ARL15: variants seen among roughly 807,000 people sequenced by gnomAD.
The protein encoded by ARL15 is ADP-ribosylation factor-like protein 15.
A neutral mutation model predicts 25.2 loss-of-function variants in ARL15; 19 were observed. That is an observed-to-expected ratio of 0.75 (90% CI 0.53 to 1.10). The LOEUF (loss-of-function observed/expected upper bound fraction) is 1.10, where lower values mean the gene tolerates loss of function less well. Among genes scored for constraint, ARL15 ranks in the 50% least tolerant of loss-of-function variants. ARL15 has a pLI of 0.00. For synonymous variants in ARL15, 94 were observed against 86.8 expected (o/e 1.08, Z -0.46); for missense variants, 220 against 246.0 (o/e 0.89, Z 0.71).
intron 1 of ARL15, among the ~76,000 whole-genome samples, chr5:54,203,549 T>C (rs923776525): frequency 1.4e-4 from 22 of 152,292 alleles, no homozygotes; most frequent in African/African-American, 5.1e-4. Context: ...ATAAAGTCTT[T>C]GAAAGTATGA....
intron 4 of ARL15, among the ~76,000 whole-genome samples, chr5:54,002,037 T>C (rs1389577477): frequency 2.0e-5 from 3 of 152,192 alleles, no homozygotes; most frequent in African/African-American, 7.2e-5. Flanking sequence ...CTTCCAATGG[T>C]TGGAGTCACT....
At chr5:53,888,136 A>G (rs1003842462) in intron 4 of ARL15, among the ~76,000 whole-genome samples, 10 of 152,168 alleles carry the variant, frequency 6.6e-5, no homozygotes, top group Non-Finnish European at 1.3e-4. Context: ...CTGATTCTGA[A>G]GAGTAATGAA....
chr5:54,076,213 G>A (rs969701619), intron 4 of ARL15, among the ~76,000 whole-genome samples: 2 of 151,790 alleles, frequency 1.3e-5, no homozygotes, highest in Non-Finnish European at 2.9e-5. Context: ...TCAGGAGATC[G>A]AGACCATCCT....
chr5:54,010,924 C>T (rs1749217091), intron 4 of ARL15, among the ~76,000 whole-genome samples: 1 of 150,738 alleles, frequency 6.6e-6, no homozygotes, highest in South Asian at 2.1e-4. Flanking sequence ...GGCGTGAACC[C>T]GGGAGGCGGA....
chr5:53,973,695 C>T (rs185936881), intron 4 of ARL15, among the ~76,000 whole-genome samples: 7 of 151,470 alleles, frequency 4.6e-5, no homozygotes, highest in East Asian at 1.9e-4. Context: ...GCCATGATTG[C>T]GCCACTGTAC....
At chr5:53,912,140 A>G (rs1211609700) in intron 4 of ARL15, 1 of 152,096 alleles carries the variant, frequency 6.6e-6, no homozygotes, top group East Asian at 1.9e-4. Flanking sequence ...CTCTTTTAAG[A>G]TTAAAAATAT....
chr5:53,992,229 C>G lies in ARL15; in HGVS notation c.463-105516G>C, dbSNP rs1748526238. ...ATACCAAACATTGCTGTGTTTTCCT[C>G]TAAAATTTAAAACATCCCCTATGAG... On this transcript the variant is annotated intron_variant, in intron 4 of 4. Transcript: ENST00000504924. 3.3e-5 allele frequency among the ~76,000 whole-genome samples: 5 copies of G among 152,166 alleles called. No individual in the cohort carries two copies. The South Asian group carries it at 1.0e-3, about 32-fold the overall frequency.
chr5:54,186,784 T>C (rs988706541), intron 1 of ARL15, among the ~76,000 whole-genome samples: 1 of 152,020 alleles, frequency 6.6e-6, no homozygotes, highest in Non-Finnish European at 1.5e-5. Context: ...AAGTACCATA[T>C]ACAGATTCAT....
At chr5:54,196,051 T>A (rs1241700829) in intron 1 of ARL15, among the ~76,000 whole-genome samples, 1 of 152,162 alleles carries the variant, frequency 6.6e-6, no homozygotes, top group Non-Finnish European at 1.5e-5. Flanking sequence ...ACCTGACTCT[T>A]TTTAATGTCA....
At chr5:53,940,308 T>C (rs894984508) in intron 4 of ARL15, among the ~76,000 whole-genome samples, 1 of 152,220 alleles carries the variant, frequency 6.6e-6, no homozygotes, top group African/African-American at 2.4e-5. Flanking sequence ...ACCAGTGCTA[T>C]GATACTGCTT....
intron 4 of ARL15, among the ~76,000 whole-genome samples, chr5:54,035,390 A>C (rs1013925204): frequency 6.6e-6 from 1 of 152,130 alleles, no homozygotes; most frequent in African/African-American, 2.4e-5. Flanking sequence ...AAGTAACTTT[A>C]AAAAAAACTT....
At chr5:54,261,200 G>C (rs951199418) in intron 1 of ARL15, among the ~76,000 whole-genome samples, 1 of 152,086 alleles carries the variant, frequency 6.6e-6, no homozygotes, top group Non-Finnish European at 1.5e-5. Context: ...CCATCCTATG[G>C]GAAGATACCA....
intron 4 of ARL15, among the ~76,000 whole-genome samples, chr5:53,917,496 T>C (rs544722234): frequency 6.6e-6 from 1 of 152,306 alleles, no homozygotes; most frequent in South Asian, 2.1e-4. Flanking sequence ...ATATACTCCA[T>C]AGGCACTAAC....
chr5:53,999,516 G>A (rs574754146), intron 4 of ARL15, among the ~76,000 whole-genome samples: 18 of 152,274 alleles, frequency 1.2e-4, no homozygotes, highest in Middle Eastern at 3.4e-3. Context: ...ACTTGAACCC[G>A]GGAGGTGGAG....
chr5:54,223,576 C>T (rs1756437272), intron 1 of ARL15, among the ~76,000 whole-genome samples: 1 of 152,004 alleles, frequency 6.6e-6, no homozygotes, highest in East Asian at 1.9e-4. Context: ...ATTATTGGGG[C>T]TTTCACAGAT....
chr5:54,050,091 C>T (rs1750659961), intron 4 of ARL15, among the ~76,000 whole-genome samples: 2 of 152,108 alleles, frequency 1.3e-5, no homozygotes, highest in South Asian at 2.1e-4. Flanking sequence ...TCTGGATTGC[C>T]TTCAACTATG....
intron 4 of ARL15, among the ~76,000 whole-genome samples, chr5:54,051,984 CAA>C (rs916609358): frequency 6.6e-6 from 1 of 152,014 alleles, no homozygotes; most frequent in Non-Finnish European, 1.5e-5. Context: ...TATCAAACCA[CAA>C]AAAAGATGAA....
intron 1 of ARL15, among the ~76,000 whole-genome samples, chr5:54,172,709 T>A (rs1360395233): frequency 6.6e-6 from 1 of 152,164 alleles, no homozygotes; most frequent in East Asian, 1.9e-4. Flanking sequence ...CATGGCAAAA[T>A]GTTAATGACT....
chr5:54,298,166 G>A (rs936339154), intron 1 of ARL15, among the ~76,000 whole-genome samples: 1 of 152,056 alleles, frequency 6.6e-6, no homozygotes, highest in Non-Finnish European at 1.5e-5. Context: ...TCTTACCAGT[G>A]TACTAAGTTC....
Sources: gnomAD v4.1 joint callset for allele counts (sites outside exome capture counted in the v4.1 genomes callset) on GRCh38, gnomAD v4.1.1 for gene constraint, MANE v1.5 for transcripts, NCBI Gene and HGNC (gene_info 2026-07-23, HGNC 2026-07-21) for gene names.